RP1: variants seen among roughly 807,000 people sequenced by gnomAD.
RP1 encodes RP1 axonemal microtubule associated, also known as oxygen-regulated protein 1.
In RP1, 16 loss-of-function variants were observed where a neutral mutation model predicts 14.8. The ratio of observed to expected loss-of-function variants is 1.08; its 90% CI spans 0.73 to 1.65. The LOEUF (loss-of-function observed/expected upper bound fraction) is 1.65, where lower values mean the gene tolerates loss of function less well. RP1 is among the 40% of genes most tolerant of loss of function. The probability of loss-of-function intolerance (pLI) is 0.00; values close to 1 mark genes in which losing one functional copy is unlikely to be tolerated. For synonymous variants in RP1, 876 were observed against 883.6 expected (o/e 0.99, Z 0.15); for missense variants, 2,631 against 2,535.0 (o/e 1.04, Z -0.81).
At chr8:54,722,912 C>T (rs1471786262) in intron 16 of RP1, among the ~76,000 whole-genome samples, 1 of 152,252 alleles carries the variant, frequency 6.6e-6, no homozygotes, top group Non-Finnish European at 1.5e-5. Context: ...CACACCATCA[C>T]GTGGAGGGCA....
intron 24 of RP1, among the ~76,000 whole-genome samples, chr8:54,818,360 C>T (rs1389460700): frequency 1.3e-5 from 2 of 152,236 alleles, no homozygotes; most frequent in Non-Finnish European, 2.9e-5. Flanking sequence ...ATGGCCTGTT[C>T]TGACAGGAGA....
At chr8:54,619,276 C>T (rs1805800379) in intron 1 of RP1, among the ~76,000 whole-genome samples, 1 of 152,058 alleles carries the variant, frequency 6.6e-6, no homozygotes, top group South Asian at 2.1e-4. Flanking sequence ...ATTTGCAAAT[C>T]AGATTGGAGA....
chr8:54,803,566 G>T (rs1810765526), intron 24 of RP1, among the ~76,000 whole-genome samples: 1 of 152,090 alleles, frequency 6.6e-6, no homozygotes, highest in African/African-American at 2.4e-5. Context: ...GTTGTTGAAT[G>T]ATTTCCTTAA....
intron 24 of RP1, among the ~76,000 whole-genome samples, chr8:54,809,909 A>G (rs1287768277): frequency 6.6e-6 from 1 of 152,232 alleles, no homozygotes; most frequent in Non-Finnish European, 1.5e-5. Context: ...CCAGTTGGCA[A>G]GTGGTACCAT....
chr8:54,823,689 T>C (rs1159973024), intron 24 of RP1, among the ~76,000 whole-genome samples: 1 of 152,232 alleles, frequency 6.6e-6, no homozygotes, highest in Non-Finnish European at 1.5e-5. Flanking sequence ...GCAGTTTGTC[T>C]GACCATTTAC....
At chr8:54,765,050 T>C (rs1488874400) in intron 22 of RP1, among the ~76,000 whole-genome samples, 1 of 152,242 alleles carries the variant, frequency 6.6e-6, no homozygotes, top group African/African-American at 2.4e-5. Flanking sequence ...CTTGACGGCC[T>C]GGCAGAGAGC....
In RP1 at chr8:54,784,924, A is replaced by G. The variant is rs114735130; in HGVS notation, c.3615+1214A>G. Among the ~76,000 whole-genome samples the G allele has an allele frequency of 9.5e-3, 1,446 of 151,864 alleles. 19 individuals are homozygous for G. Among genetic ancestry groups the G allele is most frequent in the African/African-American group, 0.033 (1,359 of 41,468 alleles). On this transcript the variant is annotated intron_variant, in intron 24 of 28. Transcript: ENST00000637698. Reference sequence around the variant, plus strand: ...TTCATTCATTTTTTATTATTTTTTAATTTTTTTGTTTTAAAGTTTTCTTTT... The same window carrying G: ...TTCATTCATTTTTTATTATTTTTTAGTTTTTTTGTTTTAAAGTTTTCTTTT...
Position 54,627,772 on chromosome 8 carries a change from GT to G in RP1, c.3893del (p.Phe1298SerfsTer2), listed in dbSNP as rs1563331838. ...GATCAGACTTCTATGAATAAGGCTT[GT>G]TTCCTAGGAGAGGTCTGTTCACTTA... is the stretch of plus-strand genomic sequence containing the variant. ...GVDQTSMNKA[C>X]FLGEVCSLTD... On this transcript the variant is annotated frameshift_variant, in exon 4 of 4. Transcript: ENST00000220676. LOFTEE classifies it low-confidence loss of function (END_TRUNC). 3 of 1,613,948 alleles carry G rather than the reference GT, an allele frequency of 1.9e-6. No homozygotes were observed. In the Admixed American group the frequency reaches 5.0e-5, roughly 27 times the overall value.
intron 1 of RP1, among the ~76,000 whole-genome samples, chr8:54,578,977 G>A (rs1219342025): frequency 6.6e-6 from 1 of 152,178 alleles, no homozygotes; most frequent in African/African-American, 2.4e-5. Context: ...GGGAAATAAA[G>A]CCATTTCCCC....
At chr8:54,632,676 T>A (rs1027777477), downstream of RP1, among the ~76,000 whole-genome samples, 1 of 152,172 alleles carries the variant, frequency 6.6e-6, no homozygotes, top group African/African-American at 2.4e-5. Flanking sequence ...TTTTTTTTAG[T>A]TTTTTTATAT....
chr8:54,801,730 T>C (rs1810712564), intron 24 of RP1, among the ~76,000 whole-genome samples: 1 of 152,068 alleles, frequency 6.6e-6, no homozygotes, highest in Non-Finnish European at 1.5e-5. Flanking sequence ...CTTTAGCAAT[T>C]TGTTGGAAAT....
At chr8:54,597,379 T>A (rs1417370940) in intron 1 of RP1, among the ~76,000 whole-genome samples, 1 of 152,142 alleles carries the variant, frequency 6.6e-6, no homozygotes, top group African/African-American at 2.4e-5. Context: ...ATTTTATTAT[T>A]ATTATTATTA....
At chr8:54,640,045 C>T (rs1806425911) in intron 3 of RP1, among the ~76,000 whole-genome samples, 1 of 151,432 alleles carries the variant, frequency 6.6e-6, no homozygotes, top group South Asian at 2.1e-4. Context: ...AAGATTTTCT[C>T]CTGTGTTTTC....
At chr8:54,612,794 C>T (rs1805627141), upstream of RP1, among the ~76,000 whole-genome samples, 1 of 152,148 alleles carries the variant, frequency 6.6e-6, no homozygotes, top group South Asian at 2.1e-4. Flanking sequence ...AAATACTTCC[C>T]ACAAACCTTT....
chr8:54,741,999 C>T (rs898341396), intron 19 of RP1, among the ~76,000 whole-genome samples: 7 of 151,566 alleles, frequency 4.6e-5, no homozygotes, highest in Admixed American at 2.6e-4. Flanking sequence ...AACTGAGGCT[C>T]GATCAAGTTA....
intron 3 of RP1, among the ~76,000 whole-genome samples, chr8:54,642,986 A>G (rs1042303782): frequency 1.3e-5 from 2 of 151,622 alleles, no homozygotes; most frequent in African/African-American, 4.8e-5. Context: ...TTTCTTGATC[A>G]CTTGTGTTCT....
chr8:54,739,603 C>A (rs566579005), intron 19 of RP1, among the ~76,000 whole-genome samples: 1 of 151,716 alleles, frequency 6.6e-6, no homozygotes, highest in East Asian at 1.9e-4. Context: ...ATTCATTGAT[C>A]ATTAGATGAC....
intron 25 of RP1, among the ~76,000 whole-genome samples, chr8:54,852,349 A>G (rs1383413245): frequency 6.6e-6 from 1 of 152,220 alleles, no homozygotes; most frequent in East Asian, 1.9e-4. Flanking sequence ...GCTAACAATA[A>G]TTATTTTGAA....
At chr8:54,726,610 G>A (rs1460395523) in intron 17 of RP1, 4 of 821,096 alleles carry the variant, frequency 4.9e-6, no homozygotes, top group Non-Finnish European at 5.0e-6. Context: ...CTTGTAAGCT[G>A]TTATCTTGCT....
Sources: gnomAD v4.1 joint callset for allele counts (sites outside exome capture counted in the v4.1 genomes callset) on GRCh38, gnomAD v4.1.1 for gene constraint, MANE v1.5 for transcripts, NCBI Gene and HGNC (gene_info 2026-07-23, HGNC 2026-07-21) for gene names.